The following NFIB variants were observed in gnomAD, a reference collection of about 807,000 sequenced individuals.
The protein encoded by NFIB is nuclear factor 1 B-type.
NFIB carries 11 observed loss-of-function variants against 61.5 expected under a neutral mutation model. The ratio of observed to expected loss-of-function variants is 0.18; its 90% confidence interval spans 0.11 to 0.30. NFIB has a LOEUF of 0.30. Ranked by LOEUF, NFIB falls within the 10% of genes least tolerant of loss-of-function variation. NFIB has a pLI of 1.00. For missense variants in NFIB, 471 were observed against 608.9 expected (o/e 0.77, Z 2.38); for synonymous variants, 260 against 216.5 (o/e 1.20, Z -1.76).
chr9:14,179,771 T>C lies in NFIB; in HGVS notation c.572A>G (p.Gln191Arg), dbSNP rs747221911. 5.0e-6 allele frequency: 8 copies of C among 1,613,422 alleles called. No individual in the cohort carries two copies. The Admixed American group carries it at 1.2e-4, about 24-fold the overall frequency. The change falls in exon 3 of 11, where the codon CAA becomes CGA. Residue 191 changes from glutamine to arginine, a missense_variant. By Grantham distance (43) the Gln-to-Arg change is conservative. Around this residue, in one of 2 missense-constraint regions of NFIB, gnomAD observed 372 missense variants for 395.6 expected, o/e 0.94. Coordinates refer to ENST00000380953, the MANE Select transcript of NFIB (RefSeq NM_001190737.2). ...AYYVQEQDSG[Q>R]SGSPSHNDPA... ...ATCATTGTGGCTTGGACTTCCTGAT[T>C]GTCCAGAATCTGTAAAGAAATCACA...
intron 2 of NFIB, among the ~76,000 whole-genome samples, chr9:14,267,826 C>G (rs1305786094): frequency 3.9e-5 from 6 of 152,122 alleles, no homozygotes; most frequent in Non-Finnish European, 7.4e-5. Context: ...AAATACGTAG[C>G]CTGTTTTAGG....
intron 10 of NFIB, among the ~76,000 whole-genome samples, chr9:14,106,142 A>T (rs138303586): frequency 2.0e-5 from 3 of 152,218 alleles, no homozygotes; most frequent in East Asian, 1.9e-4. Flanking sequence ...TAGTAATCAA[A>T]TTTAAAATAC....
chr9:14,352,209 A>C (rs960118477), intron 1 of NFIB, among the ~76,000 whole-genome samples: 6 of 152,198 alleles, frequency 3.9e-5, no homozygotes, highest in African/African-American at 1.4e-4. Flanking sequence ...GCATAAAATG[A>C]AAGTAAAAGT....
intron 1 of NFIB, among the ~76,000 whole-genome samples, chr9:14,375,903 G>T (rs1339902500): frequency 6.6e-6 from 1 of 152,164 alleles, no homozygotes; most frequent in Non-Finnish European, 1.5e-5. Flanking sequence ...CATCATCCAA[G>T]GCTTATTCAC....
At chr9:14,304,771 C>T (rs911043429) in intron 2 of NFIB, among the ~76,000 whole-genome samples, 3 of 152,234 alleles carry the variant, frequency 2.0e-5, no homozygotes, top group Non-Finnish European at 2.9e-5. Context: ...ATGCAGCCCT[C>T]TAACTGACCG....
At chr9:14,115,740 A>G (rs1409497090) in intron 9 of NFIB, among the ~76,000 whole-genome samples, 1 of 152,224 alleles carries the variant, frequency 6.6e-6, no homozygotes, top group Non-Finnish European at 1.5e-5. Context: ...GACATAACCT[A>G]CAATGATGTA....
intron 2 of NFIB, among the ~76,000 whole-genome samples, chr9:14,268,169 C>A (rs567130112): frequency 6.6e-6 from 1 of 151,152 alleles, no homozygotes; most frequent in Non-Finnish European, 1.5e-5. Flanking sequence ...ATGGAGAAGA[C>A]AAAGATAATA....
At chr9:14,245,932 G>A (rs899749001) in intron 2 of NFIB, among the ~76,000 whole-genome samples, 20 of 151,954 alleles carry the variant, frequency 1.3e-4, no homozygotes, top group African/African-American at 4.4e-4. Context: ...AGGAGGGAGT[G>A]ATTATTCCAT....
At chr9:14,225,430 C>T in intron 2 of NFIB, among the ~76,000 whole-genome samples, 1 of 121,042 alleles carries the variant, frequency 8.3e-6, no homozygotes, top group East Asian at 2.7e-4. Flanking sequence ...GCACTCCAGC[C>T]TGGGCGACAG....
upstream of NFIB, among the ~76,000 whole-genome samples, chr9:14,317,950 G>A (rs2060578751): frequency 6.6e-6 from 1 of 152,174 alleles, no homozygotes; most frequent in Admixed American, 6.5e-5. Context: ...AAATATCTCT[G>A]AAAAGCTTCT....
chr9:14,432,838 T>A, the NFIB span, among the ~76,000 whole-genome samples: 1 of 152,226 alleles, frequency 6.6e-6, no homozygotes, highest in Non-Finnish European at 1.5e-5. Flanking sequence ...TTTGGGTCCA[T>A]AATCAGAGAC....
intron 2 of NFIB, among the ~76,000 whole-genome samples, chr9:14,259,952 A>G (rs1216086067): frequency 3.9e-5 from 6 of 152,276 alleles, no homozygotes; most frequent in African/African-American, 1.2e-4. Flanking sequence ...TGAAAAACAG[A>G]TATTTTAGTT....
chr9:14,128,106 A>C (rs7875366), intron 6 of NFIB, among the ~76,000 whole-genome samples: 3 of 152,206 alleles, frequency 2.0e-5, no homozygotes, highest in Non-Finnish European at 4.4e-5. Flanking sequence ...ATGTGATTTC[A>C]AAAGGTAATA....
At chr9:14,405,702 G>A in the NFIB span, among the ~76,000 whole-genome samples, 2 of 152,112 alleles carry the variant, frequency 1.3e-5, no homozygotes, top group African/African-American at 4.8e-5. Context: ...TTGAAAAGTT[G>A]GAAAAATTGA....
At chr9:14,199,175 G>C (rs1282772829) in intron 2 of NFIB, among the ~76,000 whole-genome samples, 1 of 152,196 alleles carries the variant, frequency 6.6e-6, no homozygotes, top group African/African-American at 2.4e-5. Context: ...ACAAATATTG[G>C]CATAGGTGAC....
At chr9:14,441,649 A>C in the NFIB span, among the ~76,000 whole-genome samples, 1 of 150,772 alleles carries the variant, frequency 6.6e-6, no homozygotes. Flanking sequence ...CCTTATTACT[A>C]TGACAAGCAG....
At chr9:14,505,311 T>C in the NFIB span, among the ~76,000 whole-genome samples, 7 of 152,162 alleles carry the variant, frequency 4.6e-5, no homozygotes, top group African/African-American at 1.2e-4. Context: ...TGATCTGTAG[T>C]TTTCTTTTTT....
intron 6 of NFIB, among the ~76,000 whole-genome samples, chr9:14,126,704 C>T (rs944292929): frequency 1.3e-5 from 2 of 152,182 alleles, no homozygotes; most frequent in African/African-American, 4.8e-5. Flanking sequence ...TGAATGCTTA[C>T]CCTCATAGGA....
intron 1 of NFIB, among the ~76,000 whole-genome samples, chr9:14,343,283 G>A (rs544950092): frequency 1.1e-4 from 17 of 152,164 alleles, no homozygotes; most frequent in South Asian, 6.2e-4. Flanking sequence ...CCTCTACCCC[G>A]GTGCCAGAGA....
Sources: allele counts gnomAD v4.1 joint callset (sites outside exome capture counted in the v4.1 genomes callset), GRCh38; gene constraint gnomAD v4.1.1; regional missense constraint gnomAD v4.1.1; transcripts MANE v1.5; gene names NCBI Gene and HGNC (gene_info 2026-07-23, HGNC 2026-07-21).